The following PCDHGB1 variants were observed in gnomAD, a reference collection of about 807,000 sequenced individuals.
The protein encoded by PCDHGB1 is protocadherin gamma-B1.
PCDHGB1 carries 34 observed loss-of-function variants against 56.6 expected under a neutral mutation model. That is an observed-to-expected ratio of 0.60 (90% confidence interval 0.46 to 0.80). The LOEUF is 0.80. Among genes scored for constraint, PCDHGB1 ranks in the 30% least tolerant of loss-of-function variants. PCDHGB1 has a pLI of 0.00. For synonymous variants in PCDHGB1, 561 were observed against 505.9 expected (o/e 1.11, Z -1.46); for missense variants, 1,278 against 1,204.6 (o/e 1.06, Z -0.90).
rs777780708 is a variant in PCDHGB1, at chr5:141,489,934, G to C, written c.2410-4873G>C. ...AGGGACCACCCTTATCTCTGTCATC[G>C]TGCTGGACATCAATGATAATGCTCC... On this transcript the variant is annotated intron_variant, in intron 1 of 3. Transcript: ENST00000523390. The surrounding 1 kb of genome is among the most constrained non-coding windows in gnomAD (Gnocchi z 4.5). The C allele has an allele frequency of 1.4e-5, 23 of 1,614,176 alleles. No homozygotes were observed. Among genetic ancestry groups the C allele is most frequent in the Non-Finnish European group, 1.8e-5 (21 of 1,180,030 alleles).
At chr5:141,400,250 C>T (rs2093990136) in intron 1 of PCDHGB1, 1 of 1,614,066 alleles carries the variant, frequency 6.2e-7, no homozygotes, top group Non-Finnish European at 8.5e-7. Flanking sequence ...CTGGCCGTTG[C>T]CTTGCGCCTG....
At position 141,432,952 on chromosome 5, in the gene PCDHGB1, C is replaced by G. The variant is rs2097553312; in HGVS notation, c.2410-61855C>G. ...GCCTGCTGCAGGCTTCAGGAGGCGGCTTGACAGGAGCGCCGGCGTCGCACT... is the reference window on the plus strand; with the variant it reads ...GCCTGCTGCAGGCTTCAGGAGGCGGGTTGACAGGAGCGCCGGCGTCGCACT... On this transcript the variant is annotated intron_variant, in intron 1 of 3. Transcript: ENST00000523390. The surrounding 1 kb of genome is among the most constrained non-coding windows in gnomAD (Gnocchi z 6.0). 1 of 1,614,086 alleles carries G rather than the reference C, an allele frequency of 6.2e-7. No individual in the cohort carries two copies. Among genetic ancestry groups the G allele is most frequent in the South Asian group, 1.1e-5 (1 of 91,090 alleles).
intron 3 of PCDHGB1, among the ~76,000 whole-genome samples, chr5:141,507,802 T>G (rs886950696): frequency 6.6e-6 from 1 of 152,204 alleles, no homozygotes; most frequent in African/African-American, 2.4e-5. Context: ...GCCTGCGCCC[T>G]GGGGAACGGA....
At position 141,509,122 on chromosome 5, in the gene PCDHGB1, G is replaced by A. The variant is rs2099875312; in HGVS notation, c.2558-1825G>A. 2.0e-5 allele frequency among the ~76,000 whole-genome samples: 3 copies of A among 152,154 alleles called. No homozygotes were observed. In the South Asian group the frequency reaches 6.2e-4, roughly 32 times the overall value. The stretch of plus-strand genomic sequence containing the variant: ...AGAAACCTGAGCGCTGGTGCGTGAA[G>A]AGAAAAACCGAGGCGCATCCCGGCT... On this transcript the variant is annotated intron_variant, in intron 3 of 3. Transcript: ENST00000523390.
In PCDHGB1 at chr5:141,399,169, C is replaced by G. The variant is rs371809310; in HGVS notation, c.2409+46500C>G. On this transcript the variant is annotated intron_variant, in intron 1 of 3. Transcript: ENST00000523390. ...TAGCCCAGAAGTTACATTCCATTCT[C>G]TACTTGAAATGATTCTGGAAAACGC... 2.4e-5 allele frequency: 38 copies of G among 1,613,632 alleles called. No individual in the cohort carries two copies. In the African/African-American group the frequency reaches 4.0e-4, roughly 17 times the overall value.
rs1178101439 is a variant in PCDHGB1, at chr5:141,443,790, T to C, written c.2410-51017T>C. On this transcript the variant is annotated intron_variant, in intron 1 of 3. Coordinates refer to ENST00000523390, the MANE Select transcript of PCDHGB1 (RefSeq NM_018922.3). Reference sequence around the variant, plus strand: ...AATATTACCAAAAAGACAAAAAAAATGAAAAGGAAACAGTTACCTTTGGAA... The same window carrying C: ...AATATTACCAAAAAGACAAAAAAAACGAAAAGGAAACAGTTACCTTTGGAA... Among the ~76,000 whole-genome samples, 6 of 151,950 alleles carry C rather than the reference T, an allele frequency of 3.9e-5. No homozygotes were observed. The East Asian group carries it at 1.2e-3, about 29-fold the overall frequency.
intron 1 of PCDHGB1, among the ~76,000 whole-genome samples, chr5:141,463,117 A>G (rs2099053039): frequency 6.6e-6 from 1 of 152,196 alleles, no homozygotes; most frequent in African/African-American, 2.4e-5. Context: ...TTCAGCTAAT[A>G]GCTCCCTGGC....
chr5:141,486,504 A>G lies in PCDHGB1; in HGVS notation c.2410-8303A>G. ...AGTACCCACAGAACTATTTTCCTCA[A>G]TATTTCAGATGTGAATGATAATCCA... On this transcript the variant is annotated intron_variant, in intron 1 of 3. Transcript: ENST00000523390. The surrounding 1 kb of genome is among the most constrained non-coding windows in gnomAD (Gnocchi z 5.0). 7.4e-6 allele frequency: 12 copies of G among 1,614,100 alleles called. No individual in the cohort carries two copies. Among genetic ancestry groups the G allele is most frequent in the Non-Finnish European group, 1.0e-5 (12 of 1,179,986 alleles).
At chr5:141,419,668 G>A (rs752237614) in intron 1 of PCDHGB1, 1 of 1,612,892 alleles carries the variant, frequency 6.2e-7, no homozygotes, top group East Asian at 2.2e-5. Context: ...ACAATGCCTG[G>A]CTGTCCTACC....
chr5:141,419,540 C>A (rs999461892), intron 1 of PCDHGB1: 4 of 1,612,018 alleles, frequency 2.5e-6, no homozygotes. Flanking sequence ...CAACGCACCG[C>A]GGGTGCTGTA....
At chr5:141,393,275 C>T (rs769641711) in intron 1 of PCDHGB1, 4 of 1,613,828 alleles carry the variant, frequency 2.5e-6, no homozygotes, top group East Asian at 4.5e-5. Context: ...GTTATCCACT[C>T]CCAGAAGCTG....
In PCDHGB1 at chr5:141,356,915, C is replaced by T. The variant is rs766171265; in HGVS notation, c.2409+4246C>T. 7.4e-6 allele frequency: 12 copies of T among 1,614,206 alleles called. No homozygotes were observed. In the South Asian group the frequency reaches 1.1e-4, roughly 15 times the overall value. ...TACCCCACCTTCCCTACTGATGGCT[C>T]CACTGGTGTGGAGCTGGCACCCCGC... On this transcript the variant is annotated intron_variant, in intron 1 of 3. Transcript: ENST00000523390.
rs1479003983 is a variant in PCDHGB1, at chr5:141,485,352, C to T, written c.2410-9455C>T. On this transcript the variant is annotated intron_variant, in intron 1 of 3. Coordinates refer to ENST00000523390, the MANE Select transcript of PCDHGB1 (RefSeq NM_018922.3). This position sits in a 1 kb window ranked among gnomAD's most constrained non-coding sequence, Gnocchi z 5.7. ...TTCCTGCTGGATACGGACAGTCTGT[C>T]AGCTCGCAGGCTGCAGGTCGCTGGA... 1 of 1,614,136 alleles carries T rather than the reference C, an allele frequency of 6.2e-7. No homozygotes were observed. The highest frequency in any genetic ancestry group is 8.5e-7 in the Non-Finnish European group (1 of 1,180,012).
intron 1 of PCDHGB1, chr5:141,400,148 G>A (rs377393833): frequency 2.5e-6 from 4 of 1,614,056 alleles, no homozygotes; most frequent in African/African-American, 2.7e-5. Flanking sequence ...ATCACTGACC[G>A]CCCTGTACCC....
At chr5:141,497,713 T>C (rs1357797720) in intron 2 of PCDHGB1, among the ~76,000 whole-genome samples, 3 of 152,084 alleles carry the variant, frequency 2.0e-5, no homozygotes, top group Non-Finnish European at 1.5e-5. Context: ...CTCATTTTTG[T>C]ATTTTTAGTA....
chr5:141,427,694 A>T (rs758628764), intron 1 of PCDHGB1: 2 of 913,932 alleles, frequency 2.2e-6, no homozygotes, highest in Non-Finnish European at 3.5e-6. Context: ...CCTCCATCCC[A>T]CAAGTCAGCG....
chr5:141,385,282 G>A lies in PCDHGB1; in HGVS notation c.2409+32613G>A, dbSNP rs769141713. ...GAAAAATGATTCTTTGCTAACATCC[G>A]TAGATTTTCAGGAATGTAAAGAAAA... On this transcript the variant is annotated intron_variant, in intron 1 of 3. Transcript: ENST00000523390. 9.3e-6 allele frequency: 15 copies of A among 1,613,370 alleles called. No homozygotes were observed. The Admixed American group carries it at 1.8e-4, about 20-fold the overall frequency.
chr5:141,418,649 G>A (rs760169796), intron 1 of PCDHGB1: 3 of 1,613,926 alleles, frequency 1.9e-6, no homozygotes, highest in Non-Finnish European at 2.5e-6. Flanking sequence ...CATCCTGAGA[G>A]TGAAGGCCAC....
intron 1 of PCDHGB1, chr5:141,398,979 C>T (rs769465343): frequency 1.9e-6 from 3 of 1,613,778 alleles, no homozygotes; most frequent in African/African-American, 1.3e-5. Context: ...TCTACAGAAC[C>T]GGGCAAATCT....
Sources: gnomAD v4.1 joint callset for allele counts (sites outside exome capture counted in the v4.1 genomes callset) on GRCh38, gnomAD v4.1.1 for gene constraint, Gnocchi (gnomAD v3.1) non-coding constraint, MANE v1.5 for transcripts, NCBI Gene and HGNC (gene_info 2026-07-23, HGNC 2026-07-21) for gene names.